Variants in PAWR observed in about 807,000 individuals in gnomAD.
PAWR encodes the protein PRKC apoptosis WT1 regulator protein.
Under a neutral mutation model 32.0 loss-of-function variants are expected in PAWR, and 23 were observed. The observed-to-expected ratio is 0.72, with a 90% CI of 0.52 to 1.02. PAWR has a LOEUF of 1.02. Ranked by LOEUF, PAWR falls within the 50% of genes least tolerant of loss-of-function variation. The probability of loss-of-function intolerance (pLI) is 0.00; values close to 1 mark genes in which losing one functional copy is unlikely to be tolerated. For missense variants in PAWR, 457 were observed against 437.7 expected, an observed-to-expected ratio of 1.04 and a Z score of -0.39; for synonymous variants, 226 against 187.1, an observed-to-expected ratio of 1.21 and a Z score of -1.70.
At chr12:79,690,579 G>C in intron 1 of PAWR, 188 bp from the exon 2 acceptor site, 1 of 220,208 alleles carries the variant, frequency 4.5e-6, no homozygotes, top group Non-Finnish European at 8.9e-6. Flanking sequence ...CCCGACGATC[G>C]CCGCCCCTAG....
At chr12:79,636,271 C>A (rs940990581) in intron 2 of PAWR, among the ~76,000 whole-genome samples, 2 of 152,018 alleles carry the variant, frequency 1.3e-5, no homozygotes, top group Non-Finnish European at 2.9e-5. Context: ...CAGAATTCCA[C>A]AAAACTCAGT....
intron 4 of PAWR, among the ~76,000 whole-genome samples, chr12:79,601,025 G>T (rs1016937788): frequency 1.3e-5 from 2 of 151,948 alleles, no homozygotes; most frequent in Admixed American, 6.6e-5. Context: ...ACAGTTCAAG[G>T]ACTACACTTT....
chr12:79,599,924 C>T (rs7953683), intron 4 of PAWR, among the ~76,000 whole-genome samples: 30,144 of 152,000 alleles, frequency 0.2, 7,914 homozygotes, highest in African/African-American at 0.6. Flanking sequence ...ACATCTGCTC[C>T]GGTCATCTTT....
intron 2 of PAWR, among the ~76,000 whole-genome samples, chr12:79,676,584 TA>T (rs1878181218): frequency 6.6e-6 from 1 of 152,312 alleles, no homozygotes; most frequent in East Asian, 1.9e-4. Flanking sequence ...CTCTGTGTAC[TA>T]CAGCCTGATA....
intron 2 of PAWR, among the ~76,000 whole-genome samples, chr12:79,625,621 A>C (rs1478798725): frequency 1.3e-5 from 2 of 152,160 alleles, no homozygotes; most frequent in African/African-American, 2.4e-5. Context: ...GGAGATCTAC[A>C]AAACATGGCT....
intron 2 of PAWR, among the ~76,000 whole-genome samples, chr12:79,680,573 T>C (rs1398348056): frequency 1.3e-5 from 2 of 152,174 alleles, no homozygotes; most frequent in Non-Finnish European, 2.9e-5. Flanking sequence ...TTTTCACATA[T>C]GCCCTACAGT....
At chr12:79,663,494 ATTTGTT>A (rs1877446441) in intron 2 of PAWR, among the ~76,000 whole-genome samples, 1 of 151,744 alleles carries the variant, frequency 6.6e-6, no homozygotes, top group Non-Finnish European at 1.5e-5. Context: ...TTAAAAACTT[ATTTGTT>A]TTTATTTTAC....
At chr12:79,679,266 T>A (rs534077028) in intron 2 of PAWR, among the ~76,000 whole-genome samples, 1 of 152,136 alleles carries the variant, frequency 6.6e-6, no homozygotes, top group African/African-American at 2.4e-5. Context: ...TACATATAGA[T>A]TCTTATAAAA....
At chr12:79,620,408 A>G (rs8176875) in intron 3 of PAWR, among the ~76,000 whole-genome samples, 29,914 of 152,124 alleles carry the variant, frequency 0.2, 7,800 homozygotes, top group African/African-American at 0.6. Flanking sequence ...CTTGGCATAG[A>G]GAATTCAAGT....
At chr12:79,648,789 G>C (rs999585054) in intron 2 of PAWR, among the ~76,000 whole-genome samples, 3 of 146,824 alleles carry the variant, frequency 2.0e-5, no homozygotes, top group African/African-American at 8.0e-5. Flanking sequence ...TCTAACAGGG[G>C]CTAGAAAAAA....
intron 2 of PAWR, among the ~76,000 whole-genome samples, chr12:79,642,178 GGC>G: frequency 6.6e-6 from 1 of 152,156 alleles, no homozygotes; most frequent in South Asian, 2.1e-4. Flanking sequence ...TTCAATATAT[GGC>G]TGCTTAATAG....
chr12:79,645,512 A>G (rs1876532959), intron 2 of PAWR, among the ~76,000 whole-genome samples: 1 of 152,142 alleles, frequency 6.6e-6, no homozygotes, highest in Non-Finnish European at 1.5e-5. Flanking sequence ...AGTATACTCT[A>G]TTTACAAATA....
At chr12:79,674,352 C>T in intron 2 of PAWR, among the ~76,000 whole-genome samples, 1 of 151,398 alleles carries the variant, frequency 6.6e-6, no homozygotes, top group East Asian at 1.9e-4. Flanking sequence ...TAGCCATATG[C>T]AGAAGACTGA....
chr12:79,643,410 C>G (rs1473995051), intron 2 of PAWR, among the ~76,000 whole-genome samples: 1 of 151,948 alleles, frequency 6.6e-6, no homozygotes, highest in African/African-American at 2.4e-5. Context: ...AAGTAGAAAC[C>G]AAGAAAATCT....
chr12:79,593,302 A>T (rs561737163), intron 6 of PAWR, among the ~76,000 whole-genome samples: 55 of 152,264 alleles, frequency 3.6e-4, no homozygotes, highest in African/African-American at 1.3e-3. Flanking sequence ...TTTCTACGAC[A>T]TTTTGAAGGA....
At chr12:79,630,248 T>C (rs1235095771) in intron 2 of PAWR, among the ~76,000 whole-genome samples, 1 of 151,898 alleles carries the variant, frequency 6.6e-6, no homozygotes, top group Non-Finnish European at 1.5e-5. Context: ...AAATAAATGA[T>C]ATTCTATGAT....
In PAWR at chr12:79,626,421, G is replaced by A. The variant is rs553215922; in HGVS notation, c.517-5214C>T. Reference sequence around the variant, plus strand: ...ACTACAGGCGCCCACCACCACGCCCGGATCATTTTTTGTATTTTTAGTAGA... The same window carrying A: ...ACTACAGGCGCCCACCACCACGCCCAGATCATTTTTTGTATTTTTAGTAGA... On this transcript the variant is annotated intron_variant, in intron 2 of 6. Transcript: ENST00000328827. 1.1e-4 allele frequency among the ~76,000 whole-genome samples: 17 copies of A among 149,786 alleles called. No homozygotes were observed. In the South Asian group the frequency reaches 2.4e-3, roughly 21 times the overall value.
intron 2 of PAWR, among the ~76,000 whole-genome samples, chr12:79,630,979 A>G (rs1875593835): frequency 6.6e-6 from 1 of 152,204 alleles, no homozygotes; most frequent in African/African-American, 2.4e-5. Context: ...AAAAAAGGAC[A>G]ATGACCAAAA....
intron 2 of PAWR, among the ~76,000 whole-genome samples, chr12:79,642,696 T>C (rs750066552): frequency 1.3e-5 from 2 of 152,206 alleles, no homozygotes; most frequent in Non-Finnish European, 2.9e-5. Context: ...AGAGGTCATA[T>C]CTGCAAATCT....
Sources: allele counts gnomAD v4.1 joint callset (sites outside exome capture counted in the v4.1 genomes callset), GRCh38; gene constraint gnomAD v4.1.1; transcripts MANE v1.5; gene names NCBI Gene and HGNC (gene_info 2026-07-23, HGNC 2026-07-21).